Variants in KPNA5 observed in about 807,000 individuals in gnomAD.
KPNA5 encodes the protein karyopherin subunit alpha 5.
A neutral mutation model predicts 71.3 loss-of-function variants in KPNA5; 46 were observed. That is an observed-to-expected ratio of 0.65 (90% CI 0.51 to 0.83). KPNA5 has a LOEUF of 0.83. Among genes scored for constraint, KPNA5 ranks in the 40% least tolerant of loss-of-function variants. KPNA5 has a pLI of 0.00. For synonymous variants in KPNA5, 207 were observed against 201.4 expected (o/e 1.03, Z -0.24); for missense variants, 547 against 628.3 (o/e 0.87, Z 1.38).
Position 116,737,775 on chromosome 6 carries a change from T to C in KPNA5, c.*5452T>C, listed in dbSNP as rs1180525587. The C allele has an allele frequency of 2.0e-4, 31 of 152,004 alleles. 1 individual carries two copies. The highest frequency in any genetic ancestry group is 1.9e-3 in the Admixed American group (29 of 15,214). 9.4% of individuals were successfully genotyped at this position (152,004 alleles called of 1,614,324 possible). On this transcript the variant is annotated 3_prime_UTR_variant, in exon 14 of 14. Transcript: ENST00000368564. ...TTAAAATCTCTGTTTAATGTGGGCTTTGATCATTTTTCATATTGTTTTCTT... is the reference window on the plus strand; with the variant it reads ...TTAAAATCTCTGTTTAATGTGGGCTCTGATCATTTTTCATATTGTTTTCTT...
At chr6:116,731,314 A>G (rs957408264) in intron 13 of KPNA5, among the ~76,000 whole-genome samples, 1 of 152,180 alleles carries the variant, frequency 6.6e-6, no homozygotes, top group African/African-American at 2.4e-5. Context: ...ATAAGACATT[A>G]CATGAATACA....
intron 11 of KPNA5, 116 bp from the exon 12 acceptor site, chr6:116,726,379 A>G (rs1012185887): frequency 1.3e-6 from 1 of 768,244 alleles, no homozygotes; most frequent in Non-Finnish European, 2.1e-6. Context: ...AATTTATTTT[A>G]ATGTCAAGGT....
At chr6:116,726,870 G>A (rs570111584) in intron 12 of KPNA5, among the ~76,000 whole-genome samples, 14 of 151,764 alleles carry the variant, frequency 9.2e-5, no homozygotes, top group South Asian at 2.1e-4. Context: ...AAACGGGAAC[G>A]GTCTATGTTA....
chr6:116,737,940 TA>T lies in KPNA5; in HGVS notation c.*5619del, dbSNP rs760696924. 2.6e-5 allele frequency: 4 copies of T among 151,968 alleles called. No individual in the cohort carries two copies. Among genetic ancestry groups the T allele is most frequent in the Non-Finnish European group, 5.9e-5 (4 of 67,930 alleles). 9.4% of individuals were successfully genotyped at this position (151,968 alleles called of 1,614,324 possible). A position where few individuals can be genotyped will look rare whatever the true frequency, so the allele number is the denominator to read the frequency against. On this transcript the variant is annotated 3_prime_UTR_variant, in exon 14 of 14. Transcript: ENST00000368564. The stretch of plus-strand genomic sequence containing the variant: ...TTGGATTTATTCTTAAGTCTTTCCC[TA>T]ATTTCCCTAAACATTTAAGGTTGTT...
chr6:116,689,312 C>A lies in KPNA5; in HGVS notation c.5-8C>A. ...TCAGTGTCTGTTTTCTTTTCTCCTT[C>A]CTTTAAGATGCCATGGCTAGTCCAG... On this transcript the variant is annotated splice_polypyrimidine_tract_variant and splice_region_variant and intron_variant, in intron 1 of 13. Transcript: ENST00000368564. 1 of 1,597,068 alleles carries A rather than the reference C, an allele frequency of 6.3e-7. No homozygotes were observed.
At chr6:116,706,219 A>G (rs1419137903) in intron 7 of KPNA5, among the ~76,000 whole-genome samples, 1 of 152,182 alleles carries the variant, frequency 6.6e-6, no homozygotes, top group Non-Finnish European at 1.5e-5. Flanking sequence ...TTCTGTCTCT[A>G]TGTCATTTTA....
At position 116,702,153 on chromosome 6, in the gene KPNA5, A is replaced by G. The variant is rs1317852583; in HGVS notation, c.567+3A>G. 2 of 1,612,324 alleles carry G rather than the reference A, an allele frequency of 1.2e-6. No individual in the cohort carries two copies. The highest frequency in any genetic ancestry group is 1.7e-6 in the Non-Finnish European group (2 of 1,179,564). Reference sequence around the variant, plus strand: ...AACATGAAGATGTTCAGGAACAGGTACGTCTCTAATTTGTATTGTTGTATG... The same window carrying G: ...AACATGAAGATGTTCAGGAACAGGTGCGTCTCTAATTTGTATTGTTGTATG... On this transcript the variant is annotated splice_donor_region_variant and intron_variant, in intron 6 of 13. Coordinates refer to ENST00000368564, the MANE Select transcript of KPNA5 (RefSeq NM_001366306.2).
Position 116,692,322 on chromosome 6 carries a change from G to C in KPNA5, c.270G>C (p.Gln90His), listed in dbSNP as rs1380811223. ...AAGTTGTTACTACAGATATGGTTCAGATGATTTTTTCTAATAATGCTGATC... is the reference window on the plus strand; with the variant it reads ...AAGTTGTTACTACAGATATGGTTCACATGATTTTTTCTAATAATGCTGATC... ...EEEVVTTDMV[Q>H]MIFSNNADQQ... The change falls in exon 4 of 14, where the codon CAG (glutamine) becomes CAC (histidine). Residue 90 changes from glutamine to histidine, a missense_variant. Gln to His is a conservative substitution (Grantham distance 24). Coordinates refer to ENST00000368564, the MANE Select transcript of KPNA5 (RefSeq NM_001366306.2). The C allele has an allele frequency of 6.2e-7, 1 of 1,603,872 alleles. No individual in the cohort carries two copies. The highest frequency in any genetic ancestry group is 1.7e-5 in the Admixed American group (1 of 58,016).
At chr6:116,731,669 T>G (rs1178680094) in intron 13 of KPNA5, among the ~76,000 whole-genome samples, 3 of 152,154 alleles carry the variant, frequency 2.0e-5, no homozygotes, top group Non-Finnish European at 2.9e-5. Flanking sequence ...TTTGGAAATT[T>G]TACACATTTA....
Position 116,738,255 on chromosome 6 carries a change from A to T in KPNA5, c.*5932A>T, listed in dbSNP as rs1178998731. ...CAAATATACTAGAAAATCTAGAAGA[A>T]ATGGATAAATTCCTCGACACATAAA... On this transcript the variant is annotated 3_prime_UTR_variant, in exon 14 of 14. Transcript: ENST00000368564. The T allele has an allele frequency of 6.6e-6, 1 of 152,212 alleles. No individual in the cohort carries two copies. The highest frequency in any genetic ancestry group is 1.5e-5 in the Non-Finnish European group (1 of 68,038). 9.4% of individuals were successfully genotyped at this position (152,212 alleles called of 1,614,324 possible).
At position 116,689,403 on chromosome 6, in the gene KPNA5, C is replaced by T. The variant is rs765196608; in HGVS notation, c.88C>T (p.Arg30Ter). ...KALNPQEMRRRREEEGIQLRK... is the reference protein window; with the variant it reads ...KALNPQEMRR ...CCTAAATCCTCAAGAGATGCGTAGA[C>T]GAAGAGAAGAAGAAGGAATACAGCT... The change falls in exon 2 of 14, where the codon CGA becomes TGA. Residue 30 changes from arginine to a stop codon, truncating the protein, a stop_gained. Transcript: ENST00000368564. LOFTEE classifies it high-confidence loss of function. The T allele has an allele frequency of 2.6e-5, 41 of 1,606,120 alleles. No individual in the cohort carries two copies. The highest frequency in any genetic ancestry group is 3.3e-5 in the South Asian group (3 of 89,620).
chr6:116,718,482 C>T (rs755437719), intron 8 of KPNA5, among the ~76,000 whole-genome samples: 1 of 151,950 alleles, frequency 6.6e-6, no homozygotes, highest in Non-Finnish European at 1.5e-5. Flanking sequence ...AGGCTGGTCT[C>T]GAACTCCTGA....
Position 116,734,265 on chromosome 6 carries a change from C to T in KPNA5, c.*1942C>T. On this transcript the variant is annotated 3_prime_UTR_variant, in exon 14 of 14. Coordinates refer to ENST00000368564, the MANE Select transcript of KPNA5 (RefSeq NM_001366306.2). ...AATGCAGCATGATTCATAAACTAACCAGCTGTGCCTCCTTTTATTTTGAGG... is the reference window on the plus strand; with the variant it reads ...AATGCAGCATGATTCATAAACTAACTAGCTGTGCCTCCTTTTATTTTGAGG... 6.6e-6 allele frequency: 1 copy of T among 151,634 alleles called. No homozygotes were observed. The highest frequency in any genetic ancestry group is 1.5e-5 in the Non-Finnish European group (1 of 67,706). The allele number at this position is 151,634 out of a possible 1,614,324, so 9.4% of individuals were successfully genotyped here. A position where few individuals can be genotyped will look rare whatever the true frequency, so the allele number is the denominator to read the frequency against.
chr6:116,687,607 C>T (rs536064056), intron 1 of KPNA5, among the ~76,000 whole-genome samples: 72 of 152,264 alleles, frequency 4.7e-4, no homozygotes, highest in Non-Finnish European at 9.3e-4. Context: ...TATGTAAACA[C>T]AACAACCACT....
At chr6:116,697,096 C>T (rs1050460415) in intron 4 of KPNA5, among the ~76,000 whole-genome samples, 2 of 151,786 alleles carry the variant, frequency 1.3e-5, no homozygotes, top group Non-Finnish European at 2.9e-5. Flanking sequence ...AATTTCTGTA[C>T]ATTAAATTTA....
intron 5 of KPNA5, among the ~76,000 whole-genome samples, chr6:116,700,165 G>A (rs1224419513): frequency 1.3e-5 from 2 of 152,098 alleles, no homozygotes; most frequent in African/African-American, 2.4e-5. Flanking sequence ...GATAGCGTGT[G>A]TAGACAGCAC....
rs889745403 is a variant in KPNA5 at position 116,740,786 on chromosome 6, T to C, written c.*8463T>C. The C allele has an allele frequency of 4.1e-5, 6 of 147,012 alleles. No homozygotes were observed. The highest frequency in any genetic ancestry group is 2.1e-4 in the Admixed American group (3 of 14,066). The allele number at this position is 147,012 out of a possible 1,614,324, so 9.1% of individuals were successfully genotyped here. Reference sequence around the variant, plus strand: ...GCATCTTCTCACTCATAGGTGGGAATTGAACAATGAGAACACATGGACACA... The same window carrying C: ...GCATCTTCTCACTCATAGGTGGGAACTGAACAATGAGAACACATGGACACA... On this transcript the variant is annotated 3_prime_UTR_variant, in exon 14 of 14. Coordinates refer to ENST00000368564, the MANE Select transcript of KPNA5 (RefSeq NM_001366306.2).
chr6:116,724,226 G>A (rs2114490790), intron 9 of KPNA5, 71 bp from the exon 10 acceptor site: 1 of 978,584 alleles, frequency 1.0e-6, no homozygotes, highest in South Asian at 1.4e-5. Context: ...GGAGTTTGTA[G>A]TATTTTTGTA....
intron 6 of KPNA5, among the ~76,000 whole-genome samples, chr6:116,702,518 G>A (rs1481383858): frequency 6.6e-6 from 1 of 152,064 alleles, no homozygotes; most frequent in African/African-American, 2.4e-5. Flanking sequence ...TCCCAGCTCT[G>A]CTAAAAATAC....
Sources: gnomAD v4.1 joint callset for allele counts (sites outside exome capture counted in the v4.1 genomes callset) on GRCh38, gnomAD v4.1.1 for gene constraint, MANE v1.5 for transcripts, NCBI Gene and HGNC (gene_info 2026-07-23, HGNC 2026-07-21) for gene names.